ATP7B: variants seen among roughly 807,000 people sequenced by gnomAD.
ATP7B encodes copper-transporting ATPase 2.
In ATP7B, 113 loss-of-function variants were observed where a neutral mutation model predicts 118.9. The ratio of observed to expected loss-of-function variants is 0.95; its 90% CI spans 0.82 to 1.11. ATP7B has a LOEUF of 1.11. Among genes scored for constraint, ATP7B ranks in the 50% most tolerant of loss-of-function variants. The pLI is 0.00. For synonymous variants in ATP7B, 777 were observed against 727.4 expected (o/e 1.07, Z -1.10); for missense variants, 1,867 against 1,871.4 (o/e 1.00, Z 0.04).
intron 1 of ATP7B, among the ~76,000 whole-genome samples, chr13:51,999,514 A>T (rs1953384808): frequency 1.3e-5 from 2 of 152,248 alleles, no homozygotes; most frequent in Non-Finnish European, 2.9e-5. Flanking sequence ...TGATAGTTCT[A>T]AATTACGAAG....
rs201969695 is a variant in ATP7B, at chr13:51,974,064, C to T, written c.1156G>A (p.Gly386Arg). 3 of 1,614,194 alleles carry T rather than the reference C, an allele frequency of 1.9e-6. No homozygotes were observed. The African/African-American group carries it at 4.0e-5, about 22-fold the overall frequency. Residue 386 changes from glycine (G) to arginine (R), a missense_variant, in exon 2 of 21, where the codon GGG becomes AGG. Gly to Arg is a moderately radical substitution (Grantham distance 125, BLOSUM62 -2). Transcript: ENST00000242839. ...SIEGMISQLE[G>R]VQQISVSLAE... ...AAAGACACCGATATTTGCTGCACCC[C>T]TTCCAGTTGGGAGATCATGCCTTCA... is the stretch of plus-strand genomic sequence containing the variant.
chr13:51,960,752 T>C (rs1767561461), intron 6 of ATP7B, among the ~76,000 whole-genome samples: 2 of 152,220 alleles, frequency 1.3e-5, no homozygotes, highest in Admixed American at 1.3e-4. Flanking sequence ...TATAAACTTA[T>C]ACATTCTATC....
At chr13:51,958,788 T>C (rs1958530207) in intron 7 of ATP7B, 1 of 552,172 alleles carries the variant, frequency 1.8e-6, no homozygotes, top group African/African-American at 1.9e-5. Flanking sequence ...ACAAATGTCC[T>C]CTAATAAGAG....
chr13:51,979,670 A>C (rs973716605), intron 1 of ATP7B, among the ~76,000 whole-genome samples: 1 of 152,194 alleles, frequency 6.6e-6, no homozygotes, highest in Non-Finnish European at 1.5e-5. Flanking sequence ...CATAATAAGA[A>C]AGACATAACC....
At chr13:51,940,181 T>G (rs1957246205) in intron 16 of ATP7B, among the ~76,000 whole-genome samples, 1 of 150,150 alleles carries the variant, frequency 6.7e-6, no homozygotes, top group Non-Finnish European at 1.5e-5. Context: ...CCCCGCTAAT[T>G]TTTTTATTTT....
At chr13:51,983,676 T>C (rs1253739970) in intron 1 of ATP7B, among the ~76,000 whole-genome samples, 2 of 152,006 alleles carry the variant, frequency 1.3e-5, no homozygotes, top group African/African-American at 4.8e-5. Flanking sequence ...GGCTGGCATC[T>C]GGCAGGTGCC....
chr13:51,940,595 A>G (rs1957274978), intron 16 of ATP7B, among the ~76,000 whole-genome samples: 1 of 152,012 alleles, frequency 6.6e-6, no homozygotes, highest in East Asian at 2.0e-4. Context: ...TAGTGAGACA[A>G]GTCACACCAC....
intron 5 of ATP7B, among the ~76,000 whole-genome samples, chr13:51,964,393 G>C (rs2139750327): frequency 6.6e-6 from 1 of 152,324 alleles, no homozygotes; most frequent in South Asian, 2.1e-4. Flanking sequence ...GTAAGAGGCA[G>C]GGCACGCATG....
In ATP7B at chr13:51,958,361, T is replaced by TG. The variant is rs137853287; in HGVS notation, c.2304dup (p.Met769HisfsTer26). 9.8e-5 allele frequency: 158 copies of TG among 1,614,022 alleles called. No homozygotes were observed. Among genetic ancestry groups the TG allele is most frequent in the East Asian group, 1.8e-4 (8 of 44,892 alleles). On this transcript the variant is annotated frameshift_variant, in exon 8 of 21. Transcript: ENST00000242839. LOFTEE classifies it high-confidence loss of function. ...CCCAGGGCAATGAACACAAAGAGCATGGGGGGCGTGTCGAAGAATGTCACA... is the reference window on the plus strand; with the variant it reads ...CCCAGGGCAATGAACACAAAGAGCATGGGGGGGCGTGTCGAAGAATGTCACA...
intron 12 of ATP7B, among the ~76,000 whole-genome samples, chr13:51,946,794 A>T (rs1957693957): frequency 6.6e-6 from 1 of 152,228 alleles, no homozygotes; most frequent in Non-Finnish European, 1.5e-5. Flanking sequence ...TTCCTCATAC[A>T]CAAAATGGAG....
At chr13:51,945,543 A>C (rs1230201200) in intron 13 of ATP7B, among the ~76,000 whole-genome samples, 1 of 152,204 alleles carries the variant, frequency 6.6e-6, no homozygotes, top group African/African-American at 2.4e-5. Context: ...GACCACCTGC[A>C]GCACCCTTGT....
chr13:52,011,206 C>A, intron 1 of ATP7B, 81 bp downstream of exon 1: 9 of 1,607,554 alleles, frequency 5.6e-6, no homozygotes, highest in Non-Finnish European at 7.7e-6. Flanking sequence ...CCCCTGGGGG[C>A]GAGTAAGCGC....
chr13:51,950,383 T>C lies in ATP7B; in HGVS notation c.2464A>G (p.Met822Val), dbSNP rs749535389. The C allele has an allele frequency of 6.2e-7, 1 of 1,614,054 alleles. No individual in the cohort carries two copies. The highest frequency in any genetic ancestry group is 8.5e-7 in the Non-Finnish European group (1 of 1,180,010). ...NLIIREEQVP[M>V]ELVQRGDIVK... ...ATATCGCCCCGCTGCACCAGCTCCA[T>C]GGGGACTTGCTCCTCCCTGCAACAA... Residue 822 changes from methionine (M) to valine (V), a missense_variant, in exon 10 of 21, where the codon ATG (methionine) becomes GTG (valine). By Grantham distance (21) the Met-to-Val change is conservative. Transcript: ENST00000242839.
chr13:51,981,655 T>C (rs1038954041), intron 1 of ATP7B, among the ~76,000 whole-genome samples: 9 of 152,150 alleles, frequency 5.9e-5, no homozygotes, highest in Admixed American at 5.2e-4. Context: ...GGTTGGTCTC[T>C]AAAACCCCCA....
intron 4 of ATP7B, among the ~76,000 whole-genome samples, chr13:51,966,311 GGC>G (rs1951544607): frequency 1.3e-5 from 2 of 152,318 alleles, no homozygotes; most frequent in South Asian, 4.1e-4. Flanking sequence ...TCCCCAGATG[GGC>G]TGGCTCCAGA....
intron 19 of ATP7B, among the ~76,000 whole-genome samples, 176 bp downstream of exon 19, chr13:51,937,100 C>T (rs1446347276): frequency 6.6e-6 from 1 of 151,368 alleles, no homozygotes; most frequent in South Asian, 2.1e-4. Context: ...AGGTCCTCTC[C>T]ACAGTTTCTC....
intron 1 of ATP7B, among the ~76,000 whole-genome samples, chr13:51,990,139 A>G (rs1410696247): frequency 1.3e-5 from 2 of 151,874 alleles, no homozygotes; most frequent in Non-Finnish European, 2.9e-5. Context: ...ATGTTATTTT[A>G]TTAATTTAAA....
rs914451059 is a variant in ATP7B at position 51,970,607 on chromosome 13, T to G, written c.1428A>C (p.Ala476=). ...LPANHAPDIL[A]KSPQSTRAVA... ...CTGCTCTGGTTGATTGTGGGGACTT[T>G]GCCAAGATGTCCGGGGCATGGTTTG... The change falls in exon 3 of 21, where the codon GCA becomes GCC. Residue 476 remains alanine, a synonymous_variant. Transcript: ENST00000242839. The G allele has an allele frequency of 6.2e-7, 1 of 1,614,116 alleles. No homozygotes were observed. The highest frequency in any genetic ancestry group is 1.3e-5 in the African/African-American group (1 of 74,996).
chr13:51,960,587 A>C (rs965513329), intron 6 of ATP7B, among the ~76,000 whole-genome samples: 2 of 152,266 alleles, frequency 1.3e-5, no homozygotes, highest in Middle Eastern at 3.4e-3. Flanking sequence ...GTTACCTCCA[A>C]TTTACGGGTG....
Sources: allele counts gnomAD v4.1 joint callset (sites outside exome capture counted in the v4.1 genomes callset), GRCh38; gene constraint gnomAD v4.1.1; transcripts MANE v1.5; gene names NCBI Gene and HGNC (gene_info 2026-07-23, HGNC 2026-07-21).